The following OR51A4 variants were observed in gnomAD, a reference collection of about 807,000 sequenced individuals.
OR51A4 encodes olfactory receptor family 51 subfamily A member 4, also known as olfactory receptor 51A4.
For synonymous variants in OR51A4, 96 were observed against 141.5 expected (o/e 0.68, Z 2.28); for missense variants, 243 against 364.0 (o/e 0.67, Z 2.70).
Position 4,945,627 on chromosome 11 carries a change from T to A in OR51A4, c.*532A>T, listed in dbSNP as rs1416823751. 1.3e-5 allele frequency: 2 copies of A among 158,854 alleles called. No individual in the cohort carries two copies. Among genetic ancestry groups the A allele is most frequent in the Non-Finnish European group, 2.8e-5 (2 of 71,938 alleles). 9.8% of individuals were successfully genotyped at this position (158,854 alleles called of 1,614,324 possible). ...CTGCAGACTACTGGTGGGGCAAGAGTGAAAGAGGCAGGATTGGACTGAAAA... is the reference window on the plus strand; with the variant it reads ...CTGCAGACTACTGGTGGGGCAAGAGAGAAAGAGGCAGGATTGGACTGAAAA... On this transcript the variant is annotated 3_prime_UTR_variant, in exon 2 of 2. Transcript: ENST00000641898.
chr11:4,946,402 C>G lies in OR51A4; in HGVS notation c.699G>C (p.Lys233Asn). ...LKTVLGIASK[K>N]EQLKALNTCV... is the part of the protein sequence containing the mutation. ...AAGTATTGAGAGCCTTAAGCTGCTC[C>G]TTTTTGGATGCAATTCCCAGTACAG... The change falls in exon 2 of 2, where the codon AAG (lysine) becomes AAC (asparagine). Residue 233 changes from lysine (K) to asparagine (N), a missense_variant. By Grantham distance (94) the Lys-to-Asn change is moderately conservative. Transcript: ENST00000641898. The G allele has an allele frequency of 5.0e-6, 8 of 1,613,336 alleles. No individual in the cohort carries two copies. The highest frequency in any genetic ancestry group is 6.8e-6 in the Non-Finnish European group (8 of 1,179,760).
rs1846271649 is a variant in OR51A4 at position 4,944,940 on chromosome 11, C to T, written c.*1219G>A. 1 of 151,920 alleles carries T rather than the reference C, an allele frequency of 6.6e-6. No individual in the cohort carries two copies. The highest frequency in any genetic ancestry group is 1.5e-5 in the Non-Finnish European group (1 of 67,968). 9.4% of individuals were successfully genotyped at this position (151,920 alleles called of 1,614,324 possible). On this transcript the variant is annotated 3_prime_UTR_variant, in exon 2 of 2. Transcript: ENST00000641898. The stretch of plus-strand genomic sequence containing the variant: ...TCTTATTTTTAAATTCATTCATTAG[C>T]AATTATTTATTAAAATCTACTCTGC...
Position 4,943,408 on chromosome 11 carries a change from T to C in OR51A4, c.*2751A>G, listed in dbSNP as rs1564811683. 2.2e-6 allele frequency: 1 copy of C among 452,076 alleles called. No individual in the cohort carries two copies. Among genetic ancestry groups the C allele is most frequent in the Admixed American group, 2.4e-5 (1 of 42,276 alleles). 28.0% of individuals were successfully genotyped at this position (452,076 alleles called of 1,614,324 possible). ...CTGGTATCAGATTGCCCCTAGGTGC[T>C]GTGTAGGTGAGCTCAAGGTAATTTG... On this transcript the variant is annotated 3_prime_UTR_variant, in exon 2 of 2. Transcript: ENST00000641898.
Position 4,944,153 on chromosome 11 carries a change from TAGGAAC to T in OR51A4, c.*2000_*2005del, listed in dbSNP as rs1338098230. On this transcript the variant is annotated 3_prime_UTR_variant, in exon 2 of 2. Coordinates refer to ENST00000641898, the MANE Select transcript of OR51A4 (RefSeq NM_001005329.2). ...TAGATACAGTTATGCACCTCAAACA[TAGGAAC>T]AGTTCTTGCCCTGATCTGATGATAG... 1 of 453,900 alleles carries T rather than the reference TAGGAAC, an allele frequency of 2.2e-6. No individual in the cohort carries two copies. The highest frequency in any genetic ancestry group is 1.6e-5 in the South Asian group (1 of 63,890). The allele number at this position is 453,900 out of a possible 1,614,324, so 28.1% of individuals were successfully genotyped here.
In OR51A4 at chr11:4,946,969, A is replaced by G. The variant is rs780723057; in HGVS notation, c.132T>C (p.Asn44=). The part of the protein sequence containing the change: ...CSMYLIAILG[N]GTILFIIKTE... ...TCTTGATGATAAAAAGAATGGTGCC[A>G]TTTCCTAGAATAGCAATAAGATACA... Residue 44 remains asparagine (N), a synonymous_variant, in exon 2 of 2, where the codon AAT becomes AAC. Transcript: ENST00000641898. 13 of 1,601,938 alleles carry G rather than the reference A, an allele frequency of 8.1e-6. No individual in the cohort carries two copies. In the South Asian group the frequency reaches 1.4e-4, roughly 18 times the overall value.
chr11:4,943,378 C>T lies in OR51A4; in HGVS notation c.*2781G>A. 4 of 385,924 alleles carry T rather than the reference C, an allele frequency of 1.0e-5. No individual in the cohort carries two copies. Among genetic ancestry groups the T allele is most frequent in the Non-Finnish European group, 2.1e-5 (4 of 193,378 alleles). 23.9% of individuals were successfully genotyped at this position (385,924 alleles called of 1,614,324 possible). On this transcript the variant is annotated 3_prime_UTR_variant, in exon 2 of 2. Coordinates refer to ENST00000641898, the MANE Select transcript of OR51A4 (RefSeq NM_001005329.2). ...TTTCACTGGTTTCCTTTCTGAGGAA[C>T]TTCTCTGGTATCAGATTGCCCCTAG... is the stretch of plus-strand genomic sequence containing the variant.
chr11:4,946,719 T>A lies in OR51A4; in HGVS notation c.382A>T (p.Ile128Phe). ...LIMSFDRFLA[I>F]HNPLRYTSIL... ...GAGGTGTATCTCAGAGGGTTGTGGA[T>A]GGCTAGGAATCTATCAAATGACATG... is the stretch of plus-strand genomic sequence containing the variant. Residue 128 changes from isoleucine to phenylalanine, a missense_variant, in exon 2 of 2, where the codon ATC becomes TTC. Ile to Phe is a conservative substitution (Grantham distance 21). Transcript: ENST00000641898. The A allele has an allele frequency of 1.3e-6, 2 of 1,589,754 alleles. No individual in the cohort carries two copies. The highest frequency in any genetic ancestry group is 1.7e-6 in the Non-Finnish European group (2 of 1,162,090).
Position 4,946,289 on chromosome 11 carries a change from G to A in OR51A4, c.812C>T (p.Pro271Leu). ...ATTTGCCATGAGAACATTAATGAGG[G>A]GAGAGACATGCCGGGCAAAGCGGTG... is the stretch of plus-strand genomic sequence containing the variant. ...VVHRFARHVSPLINVLMANVL... is the reference protein window; with the variant it reads ...VVHRFARHVSLLINVLMANVL... Residue 271 changes from proline (P) to leucine (L), a missense_variant, in exon 2 of 2, where the codon CCC becomes CTC. Transcript: ENST00000641898. 1 of 1,613,894 alleles carries A rather than the reference G, an allele frequency of 6.2e-7. No homozygotes were observed. The highest frequency in any genetic ancestry group is 1.1e-5 in the South Asian group (1 of 91,072).
At position 4,945,258 on chromosome 11, in the gene OR51A4, A is replaced by C. The variant is rs1025468377; in HGVS notation, c.*901T>G. The C allele has an allele frequency of 6.6e-6, 1 of 152,172 alleles. No homozygotes were observed. Among genetic ancestry groups the C allele is most frequent in the Non-Finnish European group, 1.5e-5 (1 of 68,020 alleles). The allele number at this position is 152,172 out of a possible 1,614,324, so 9.4% of individuals were successfully genotyped here. A position where few individuals can be genotyped will look rare whatever the true frequency, so the allele number is the denominator to read the frequency against. ...CCAAAATTTAAAGAAAAAAATAGAA[A>C]TGCATTATACAAAATTGGAGTCAAG... On this transcript the variant is annotated 3_prime_UTR_variant, in exon 2 of 2. Coordinates refer to ENST00000641898, the MANE Select transcript of OR51A4 (RefSeq NM_001005329.2).
At position 4,945,196 on chromosome 11, in the gene OR51A4, T is replaced by C. The variant is rs1051748022; in HGVS notation, c.*963A>G. The C allele has an allele frequency of 3.4e-4, 52 of 152,020 alleles. No individual in the cohort carries two copies. The highest frequency in any genetic ancestry group is 1.2e-3 in the African/African-American group (50 of 41,418). 9.4% of individuals were successfully genotyped at this position (152,020 alleles called of 1,614,324 possible). ...GAAGAGATAAAAGAGAAGATCATAA[T>C]ACAAACTAGGGCTAGGTAATCTATG... On this transcript the variant is annotated 3_prime_UTR_variant, in exon 2 of 2. Coordinates refer to ENST00000641898, the MANE Select transcript of OR51A4 (RefSeq NM_001005329.2).
Position 4,944,688 on chromosome 11 carries a change from T to C in OR51A4, c.*1471A>G, listed in dbSNP as rs1375554391. ...AAAGGCTAAAATGATTTTCGCAATA[T>C]GCAAGATTTTGAGGTCATATTAGGA... On this transcript the variant is annotated 3_prime_UTR_variant, in exon 2 of 2. Coordinates refer to ENST00000641898, the MANE Select transcript of OR51A4 (RefSeq NM_001005329.2). 6.6e-6 allele frequency: 1 copy of C among 152,106 alleles called. No individual in the cohort carries two copies. Among genetic ancestry groups the C allele is most frequent in the Non-Finnish European group, 1.5e-5 (1 of 68,004 alleles). 9.4% of individuals were successfully genotyped at this position (152,106 alleles called of 1,614,324 possible). A position where few individuals can be genotyped will look rare whatever the true frequency, so the allele number is the denominator to read the frequency against.
chr11:4,946,916 T>C lies in OR51A4; in HGVS notation c.185A>G (p.Tyr62Cys). The change falls in exon 2 of 2, where the codon TAC (tyrosine) becomes TGC (cysteine). Residue 62 changes from tyrosine to cysteine, a missense_variant. By Grantham distance (194) the Tyr-to-Cys change is radical. Transcript: ENST00000641898. ...KTEPSLHEPM[Y>C]YFLSMLAMSD... ...CATAGCCAACATGGAAAGAAAATAG[T>C]ACATGGGCTCATGCAAGGAGGGCTC... The C allele has an allele frequency of 6.2e-7, 1 of 1,606,462 alleles. No individual in the cohort carries two copies. Among genetic ancestry groups the C allele is most frequent in the Non-Finnish European group, 8.5e-7 (1 of 1,176,594 alleles).
At position 4,946,134 on chromosome 11, in the gene OR51A4, C is replaced by T. The variant is rs1373045461; in HGVS notation, c.*25G>A. The T allele has an allele frequency of 1.3e-6, 2 of 1,591,120 alleles. No individual in the cohort carries two copies. The highest frequency in any genetic ancestry group is 1.1e-5 in the South Asian group (1 of 89,934). On this transcript the variant is annotated 3_prime_UTR_variant, in exon 2 of 2. Transcript: ENST00000641898. ...ACCTTAAATATCTTACCAGACATTT[C>T]CAGGTTTTCTGTCACATATGACTGT...
In OR51A4 at chr11:4,946,887, C is replaced by T. The variant is rs2412467; in HGVS notation, c.214G>A (p.Asp72Asn). ...YYFLSMLAMS[D>N]LGLSLSSLPT... is the part of the protein sequence containing the mutation. ...AGAGATGATAAAGACAAACCCAAGT[C>T]TGACATAGCCAACATGGAAAGAAAA... The change falls in exon 2 of 2, where the codon GAC (aspartate) becomes AAC (asparagine). Residue 72 changes from aspartate to asparagine, a missense_variant. Coordinates refer to ENST00000641898, the MANE Select transcript of OR51A4 (RefSeq NM_001005329.2). The T allele has an allele frequency of 0.032, 51,603 of 1,605,552 alleles. 2,435 individuals carry two copies. Among genetic ancestry groups the T allele is most frequent in the Middle Eastern group, 0.053 (316 of 6,000 alleles).
At position 4,943,026 on chromosome 11, in the gene OR51A4, C is replaced by T. The variant is rs1489322654; in HGVS notation, c.*3133G>A. 1 of 153,374 alleles carries T rather than the reference C, an allele frequency of 6.5e-6. No homozygotes were observed. Among genetic ancestry groups the T allele is most frequent in the Non-Finnish European group, 1.5e-5 (1 of 68,924 alleles). 9.5% of individuals were successfully genotyped at this position (153,374 alleles called of 1,614,324 possible). A position where few individuals can be genotyped will look rare whatever the true frequency, so the allele number is the denominator to read the frequency against. On this transcript the variant is annotated 3_prime_UTR_variant, in exon 2 of 2. Coordinates refer to ENST00000641898, the MANE Select transcript of OR51A4 (RefSeq NM_001005329.2). ...TTACAGTATTGTTCTCATGTAACTC[C>T]TATATCATACAGGCATATTCTCTCC...
rs1589947454 is a variant in OR51A4 at position 4,946,303 on chromosome 11, G to A, written c.798C>T (p.Ala266=). The A allele has an allele frequency of 3.7e-6, 6 of 1,613,782 alleles. No individual in the cohort carries two copies. The highest frequency in any genetic ancestry group is 2.7e-5 in the African/African-American group (2 of 74,814). The change falls in exon 2 of 2, where the codon GCC becomes GCT. Residue 266 remains alanine (A), a synonymous_variant. Transcript: ENST00000641898. ...IINLAVVHRF[A]RHVSPLINVL... ...CATTAATGAGGGGAGAGACATGCCG[G>A]GCAAAGCGGTGGACAACGGCCAGGT...
At position 4,946,398 on chromosome 11, in the gene OR51A4, G is replaced by C. The variant is rs78337070; in HGVS notation, c.703C>G (p.Gln235Glu). The change falls in exon 2 of 2, where the codon CAG (glutamine) becomes GAG (glutamate). Residue 235 changes from glutamine (Q) to glutamate (E), a missense_variant. By Grantham distance (29) the Gln-to-Glu change is conservative. Coordinates refer to ENST00000641898, the MANE Select transcript of OR51A4 (RefSeq NM_001005329.2). ...TVLGIASKKE[Q>E]LKALNTCVSH... ...ACACAAGTATTGAGAGCCTTAAGCTGCTCCTTTTTGGATGCAATTCCCAGT... is the reference window on the plus strand; with the variant it reads ...ACACAAGTATTGAGAGCCTTAAGCTCCTCCTTTTTGGATGCAATTCCCAGT... 8,457 of 1,465,994 alleles carry C rather than the reference G, an allele frequency of 5.8e-3. 3 individuals are homozygous for C. Among genetic ancestry groups the C allele is most frequent in the African/African-American group, 0.039 (2,466 of 63,030 alleles). 90.8% of individuals were successfully genotyped at this position (1,465,994 alleles called of 1,614,324 possible).
Position 4,945,842 on chromosome 11 carries a change from G to T in OR51A4, c.*317C>A. 1 of 363,982 alleles carries T rather than the reference G, an allele frequency of 2.7e-6. No individual in the cohort carries two copies. 22.5% of individuals were successfully genotyped at this position (363,982 alleles called of 1,614,324 possible). A position where few individuals can be genotyped will look rare whatever the true frequency, so the allele number is the denominator to read the frequency against. ...AAGAACTTGGTATAAGAGATTGAAT[G>T]TAGATAATGAGAAATCCAACTTCTG... is the stretch of plus-strand genomic sequence containing the variant. On this transcript the variant is annotated 3_prime_UTR_variant, in exon 2 of 2. Transcript: ENST00000641898.
chr11:4,943,620 C>A lies in OR51A4; in HGVS notation c.*2539G>T. 1 of 374,224 alleles carries A rather than the reference C, an allele frequency of 2.7e-6. No homozygotes were observed. The highest frequency in any genetic ancestry group is 5.3e-6 in the Non-Finnish European group (1 of 188,730). 23.2% of individuals were successfully genotyped at this position (374,224 alleles called of 1,614,324 possible). A position where few individuals can be genotyped will look rare whatever the true frequency, so the allele number is the denominator to read the frequency against. ...TGGAAGTCAGTGACACACCCACACC[C>A]CCAGGTTGCAACAACCGAAGATGTC... is the stretch of plus-strand genomic sequence containing the variant. On this transcript the variant is annotated 3_prime_UTR_variant, in exon 2 of 2. Coordinates refer to ENST00000641898, the MANE Select transcript of OR51A4 (RefSeq NM_001005329.2).
Sources: gnomAD v4.1 joint callset for allele counts on GRCh38, gnomAD v4.1.1 for gene constraint, MANE v1.5 for transcripts, NCBI Gene and HGNC (gene_info 2026-07-23, HGNC 2026-07-21) for gene names.